Variants in RUNX1 observed in about 807,000 individuals in gnomAD.
RUNX1 encodes the protein RUNX family transcription factor 1, also known as runt-related transcription factor 1.
In RUNX1, 19 loss-of-function variants were observed where a neutral mutation model predicts 42.8. The observed-to-expected ratio is 0.44, with a 90% CI of 0.31 to 0.65. RUNX1 has a LOEUF of 0.65. RUNX1 is among the 30% of genes least tolerant of loss of function. The probability of loss-of-function intolerance (pLI) is 0.07; values close to 1 mark genes in which losing one functional copy is unlikely to be tolerated. For synonymous variants in RUNX1, 271 were observed against 289.4 expected (o/e 0.94, Z 0.64); for missense variants, 528 against 672.0 (o/e 0.79, Z 2.37).
intron 2 of RUNX1, among the ~76,000 whole-genome samples, chr21:34,924,294 G>A (rs1569107090): frequency 6.6e-6 from 1 of 152,180 alleles, no homozygotes; most frequent in East Asian, 1.9e-4. Flanking sequence ...GCTCTGTGTT[G>A]GGAATATGGA....
chr21:34,853,299 A>C (rs963701794), intron 6 of RUNX1, among the ~76,000 whole-genome samples: 1 of 152,064 alleles, frequency 6.6e-6, no homozygotes, highest in African/African-American at 2.4e-5. Flanking sequence ...CGGGGAAAAC[A>C]CTGATTCCCT....
chr21:34,871,358 G>A (rs949156304), intron 5 of RUNX1, among the ~76,000 whole-genome samples: 1 of 152,160 alleles, frequency 6.6e-6, no homozygotes, highest in Non-Finnish European at 1.5e-5. Context: ...GTCGAATCTA[G>A]GAGCGTTGCT....
At chr21:34,920,038 T>A (rs373201036) in intron 2 of RUNX1, among the ~76,000 whole-genome samples, 8 of 152,220 alleles carry the variant, frequency 5.3e-5, no homozygotes, top group African/African-American at 1.9e-4. Context: ...CAGGTGCAGA[T>A]AGAAACACTG....
intron 6 of RUNX1, among the ~76,000 whole-genome samples, chr21:34,850,857 G>C (rs144715721): frequency 1.3e-4 from 20 of 152,254 alleles, no homozygotes; most frequent in Non-Finnish European, 1.2e-4. Flanking sequence ...AGGAGCCACA[G>C]ATCTTTTTTG....
At chr21:34,798,604 T>C (rs2056564206) in intron 8 of RUNX1, among the ~76,000 whole-genome samples, 1 of 152,082 alleles carries the variant, frequency 6.6e-6, no homozygotes, top group Non-Finnish European at 1.5e-5. Context: ...ATCAAAAATA[T>C]TATTAAAAAA....
chr21:34,869,456 G>A (rs959981239), intron 5 of RUNX1, among the ~76,000 whole-genome samples: 8 of 152,120 alleles, frequency 5.3e-5, no homozygotes, highest in Non-Finnish European at 1.5e-5. Context: ...AGATGTGTGT[G>A]TTTTCTATGT....
At chr21:34,859,271 A>T in intron 6 of RUNX1, 1 of 610,992 alleles carries the variant, frequency 1.6e-6, no homozygotes, top group Admixed American at 2.9e-5. Context: ...CTCTAAAAGG[A>T]TGCTTCAAAA....
chr21:35,027,630 C>G (rs1473853560), intron 2 of RUNX1, among the ~76,000 whole-genome samples: 26 of 152,214 alleles, frequency 1.7e-4, no homozygotes, highest in Non-Finnish European at 2.9e-5. Flanking sequence ...TTAAAAAATC[C>G]TAGTTGGGAG....
At chr21:34,986,461 C>T (rs1321967889) in intron 2 of RUNX1, among the ~76,000 whole-genome samples, 2 of 151,000 alleles carry the variant, frequency 1.3e-5, no homozygotes, top group African/African-American at 2.4e-5. Flanking sequence ...AGCCATGGTT[C>T]CCTATGTGTC....
chr21:34,950,309 C>A (rs1041874631), intron 2 of RUNX1, among the ~76,000 whole-genome samples: 16 of 151,954 alleles, frequency 1.1e-4, no homozygotes, highest in African/African-American at 3.9e-4. Flanking sequence ...TTATAAATAA[C>A]AGAAATTATG....
chr21:34,843,139 T>C lies in RUNX1; in HGVS notation c.614-8538A>G, dbSNP rs937656342. ...GTATAAACACACATACAGACACACA[T>C]GGACATATACACACAAACACAGGCA... On this transcript the variant is annotated intron_variant, in intron 6 of 8. Transcript: ENST00000675419. This position sits in a 1 kb window ranked among gnomAD's most constrained non-coding sequence, Gnocchi z 4.8. Among the ~76,000 whole-genome samples the C allele has an allele frequency of 2.6e-5, 4 of 151,670 alleles. No individual in the cohort carries two copies. Among genetic ancestry groups the C allele is most frequent in the Non-Finnish European group, 5.9e-5 (4 of 67,934 alleles).
chr21:34,927,350 C>T (rs1240925478), intron 2 of RUNX1, among the ~76,000 whole-genome samples: 3 of 152,150 alleles, frequency 2.0e-5, no homozygotes, highest in Non-Finnish European at 4.4e-5. Context: ...TGGACTCGCA[C>T]GTGTAGGGCA....
At chr21:34,902,394 A>C (rs1471101755) in intron 2 of RUNX1, among the ~76,000 whole-genome samples, 1 of 152,202 alleles carries the variant, frequency 6.6e-6, no homozygotes, top group Non-Finnish European at 1.5e-5. Context: ...CAGGACAGGC[A>C]AAGGAAATAC....
At chr21:34,936,157 A>T (rs1312849562) in intron 2 of RUNX1, among the ~76,000 whole-genome samples, 2 of 148,772 alleles carry the variant, frequency 1.3e-5, no homozygotes, top group African/African-American at 5.0e-5. Context: ...TTTATGACTC[A>T]AGTGCTGTTT....
chr21:34,995,489 G>A (rs574793612), intron 2 of RUNX1, among the ~76,000 whole-genome samples: 48 of 132,660 alleles, frequency 3.6e-4, no homozygotes, highest in African/African-American at 1.4e-3. Flanking sequence ...CACCCAGGCT[G>A]GAGTGCAGTG....
Position 34,830,186 on chromosome 21 carries a change from A to G in RUNX1, c.805+4224T>C, listed in dbSNP as rs1601407615. The stretch of plus-strand genomic sequence containing the variant: ...GCACGCATACTCATAAAAGTGGATT[A>G]GATGTTGACTGGGTTTGGATGATAA... On this transcript the variant is annotated intron_variant, in intron 7 of 8. Transcript: ENST00000675419. 2.6e-5 allele frequency among the ~76,000 whole-genome samples: 4 copies of G among 152,350 alleles called. No individual in the cohort carries two copies. The East Asian group carries it at 7.7e-4, about 29-fold the overall frequency.
chr21:34,881,344 A>G (rs1425454973), intron 4 of RUNX1, among the ~76,000 whole-genome samples: 1 of 152,254 alleles, frequency 6.6e-6, no homozygotes, highest in African/African-American at 2.4e-5. Context: ...GACGATTCTT[A>G]AGTAACTTAA....
intron 5 of RUNX1, among the ~76,000 whole-genome samples, chr21:34,872,259 G>A (rs569259010): frequency 1.3e-5 from 2 of 152,320 alleles, no homozygotes; most frequent in African/African-American, 2.4e-5. Context: ...GTGAGCCTCT[G>A]GCAGAGGGCT....
At chr21:35,039,390 A>G (rs1179742925) in intron 2 of RUNX1, among the ~76,000 whole-genome samples, 2 of 152,192 alleles carry the variant, frequency 1.3e-5, no homozygotes, top group Non-Finnish European at 2.9e-5. Flanking sequence ...AAATCACTCC[A>G]GCCAAATATT....
Sources: allele counts gnomAD v4.1 joint callset (sites outside exome capture counted in the v4.1 genomes callset), GRCh38; gene constraint gnomAD v4.1.1; non-coding constraint Gnocchi (gnomAD v3.1); transcripts MANE v1.5; gene names NCBI Gene and HGNC (gene_info 2026-07-23, HGNC 2026-07-21).